Variants in TMX4 observed in about 807,000 individuals in gnomAD.
TMX4 encodes thioredoxin related transmembrane protein 4.
In TMX4, 23 loss-of-function variants were observed where a neutral mutation model predicts 33.3. The ratio of observed to expected loss-of-function variants is 0.69; its 90% CI spans 0.50 to 0.98. The LOEUF (loss-of-function observed/expected upper bound fraction) is 0.98. Among genes scored for constraint, TMX4 ranks in the 50% least tolerant of loss-of-function variants. The pLI is 0.00. For missense variants in TMX4, 399 were observed against 448.9 expected, an observed-to-expected ratio of 0.89 and a Z score of 1.01; for synonymous variants, 164 against 161.5, an observed-to-expected ratio of 1.02 and a Z score of -0.12.
At chr20:7,989,181 C>T (rs969238993) in intron 5 of TMX4, among the ~76,000 whole-genome samples, 3 of 152,000 alleles carry the variant, frequency 2.0e-5, no homozygotes, top group Non-Finnish European at 4.4e-5. Flanking sequence ...TAAGCTTATG[C>T]TTTTCTCGGA....
At chr20:7,996,127 GAA>G (rs1358022591) in intron 4 of TMX4, 56 bp from the exon 5 acceptor site, 79 of 1,401,790 alleles carry the variant, frequency 5.6e-5, no homozygotes, top group Non-Finnish European at 7.6e-5. Flanking sequence ...AAAAAAAAAT[GAA>G]AATCAGGTCA....
Position 7,996,176 on chromosome 20 carries a change from T to C in TMX4, c.468-105A>G, listed in dbSNP as rs546750900. The stretch of plus-strand genomic sequence containing the variant: ...CTATTTCCCTCCACTTCTTGCTAAA[T>C]ATTGCCCCCTCTCCCAGATTCATAT... On this transcript the variant is annotated intron_variant, in intron 4 of 7. Transcript: ENST00000246024. 30 of 815,088 alleles carry C rather than the reference T, an allele frequency of 3.7e-5. No homozygotes were observed. In the African/African-American group the frequency reaches 4.7e-4, roughly 13 times the overall value. 50.5% of individuals were successfully genotyped at this position (815,088 alleles called of 1,614,324 possible).
intron 6 of TMX4, among the ~76,000 whole-genome samples, chr20:7,985,783 TC>T (rs1411965197): frequency 1.3e-5 from 2 of 152,168 alleles, no homozygotes; most frequent in Non-Finnish European, 2.9e-5. Context: ...CTAGAATCAC[TC>T]TCTCCTTTCT....
chr20:8,019,375 C>T, intron 1 of TMX4, 63 bp downstream of exon 1: 1 of 1,474,830 alleles, frequency 6.8e-7, no homozygotes, highest in Non-Finnish European at 9.0e-7. Context: ...CCGGGCCGCG[C>T]GGGCTTGGGA....
At chr20:8,018,343 G>C (rs1431318347) in intron 1 of TMX4, among the ~76,000 whole-genome samples, 1 of 88,336 alleles carries the variant, frequency 1.1e-5, no homozygotes, top group Non-Finnish European at 2.1e-5. Context: ...GAGAGAGAGA[G>C]AGGAGGGAGA....
At chr20:8,011,834 T>C (rs923761418) in intron 1 of TMX4, among the ~76,000 whole-genome samples, 29 of 152,164 alleles carry the variant, frequency 1.9e-4, no homozygotes, top group African/African-American at 6.8e-4. Context: ...TACAGCTCAC[T>C]GTCCAAATCC....
rs772555105 is a variant in TMX4, at chr20:7,982,476, T to A, written c.825A>T (p.Glu275Asp). Reference protein sequence around the residue: ...EEKEDLGDEDEAEEEEEEDNL... With the variant: ...EEKEDLGDEDDAEEEEEEDNL... The stretch of plus-strand genomic sequence containing the variant: ...TGTCCTCCTCCTCTTCTTCCTCTGC[T>A]TCATCCTCATCGCCAAGATCTTCTT... Residue 275 changes from glutamate (E) to aspartate (D), a missense_variant, in exon 8 of 8, where the codon GAA becomes GAT. Physicochemically the swap from Glu to Asp is conservative, Grantham distance 45. Transcript: ENST00000246024. 1 of 1,614,090 alleles carries A rather than the reference T, an allele frequency of 6.2e-7. No homozygotes were observed. The highest frequency in any genetic ancestry group is 1.1e-5 in the South Asian group (1 of 91,080).
rs1440325818 is a variant in TMX4, at chr20:7,980,437, A to G, written c.*1814T>C. ...TGATCGAGAAAAGCTTCCTGATGTCAGGGAGATGGAACTGCCACCATCAGA... is the reference window on the plus strand; with the variant it reads ...TGATCGAGAAAAGCTTCCTGATGTCGGGGAGATGGAACTGCCACCATCAGA... On this transcript the variant is annotated 3_prime_UTR_variant, in exon 8 of 8. Transcript: ENST00000246024. 1.3e-5 allele frequency: 2 copies of G among 152,252 alleles called. No individual in the cohort carries two copies. The highest frequency in any genetic ancestry group is 1.9e-4 in the East Asian group (1 of 5,194). 9.4% of individuals were successfully genotyped at this position (152,252 alleles called of 1,614,324 possible). A position where few individuals can be genotyped will look rare whatever the true frequency, so the allele number is the denominator to read the frequency against.
At position 8,019,603 on chromosome 20, in the gene TMX4, C is replaced by A. The variant is rs2050803942; in HGVS notation, c.11G>T (p.Gly4Val). Residue 4 changes from glycine (G) to valine (V), a missense_variant, in exon 1 of 8, where the codon GGG becomes GTG. Transcript: ENST00000246024. ...CGCCGTTAGCTGCGGGCCGCAGCGCCCACCCGCCATGTTGGGCGCCGAGCG... is the reference window on the plus strand; with the variant it reads ...CGCCGTTAGCTGCGGGCCGCAGCGCACACCCGCCATGTTGGGCGCCGAGCG... Reference protein sequence around the residue: MAGGRCGPQLTALL... With the variant: MAGVRCGPQLTALL... The A allele has an allele frequency of 7.4e-7, 1 of 1,349,946 alleles. No homozygotes were observed. The highest frequency in any genetic ancestry group is 1.9e-5 in the South Asian group (1 of 52,398). 83.6% of individuals were successfully genotyped at this position (1,349,946 alleles called of 1,614,324 possible).
chr20:8,011,788 T>C (rs1052640500), intron 1 of TMX4, among the ~76,000 whole-genome samples: 4 of 152,094 alleles, frequency 2.6e-5, no homozygotes, highest in Non-Finnish European at 4.4e-5. Context: ...TATAGCTAAT[T>C]CCAAGATCAT....
intron 5 of TMX4, among the ~76,000 whole-genome samples, chr20:7,992,314 G>T (rs80099095): frequency 0.014 from 2,085 of 152,268 alleles, 55 homozygotes; most frequent in East Asian, 0.065. Context: ...TGTGAGGATA[G>T]ATATTAACAG....
intron 2 of TMX4, among the ~76,000 whole-genome samples, chr20:8,005,661 A>G (rs2050725925): frequency 6.6e-6 from 1 of 152,186 alleles, no homozygotes; most frequent in African/African-American, 2.4e-5. Flanking sequence ...AGCAGCTGGG[A>G]GTCAAGAGGA....
chr20:7,998,384 G>A (rs1600143754), intron 4 of TMX4, among the ~76,000 whole-genome samples: 1 of 152,022 alleles, frequency 6.6e-6, no homozygotes, highest in East Asian at 1.9e-4. Context: ...CCTTGGCCAA[G>A]CCTACCTTCA....
intron 1 of TMX4, among the ~76,000 whole-genome samples, chr20:8,015,714 G>A (rs2050772167): frequency 6.6e-6 from 1 of 152,114 alleles, no homozygotes; most frequent in South Asian, 2.1e-4. Flanking sequence ...TTAAGGTAAT[G>A]ATGTTCAACA....
In TMX4 at chr20:7,999,800, A is replaced by G; in HGVS notation, c.399T>C (p.Asn133=). 1 of 1,613,838 alleles carries G rather than the reference A, an allele frequency of 6.2e-7. No homozygotes were observed. The highest frequency in any genetic ancestry group is 8.5e-7 in the Non-Finnish European group (1 of 1,179,880). Residue 133 remains asparagine, a synonymous_variant, in exon 4 of 8, where the codon AAT becomes AAC. Coordinates refer to ENST00000246024, the MANE Select transcript of TMX4 (RefSeq NM_021156.4). ...ATTGCCATTTCTTCTCTAAGATATA[A>G]TTCTGCAGGTCTTCGAAGATTCCTG... ...RGPGIFEDLQ[N]YILEKKWQSV...
intron 1 of TMX4, 96 bp downstream of exon 1, chr20:8,019,342 C>G: frequency 7.3e-7 from 1 of 1,373,900 alleles, no homozygotes; most frequent in Non-Finnish European, 9.6e-7. Flanking sequence ...AGGTTGAGCC[C>G]AAGCGGCAAT....
intron 5 of TMX4, among the ~76,000 whole-genome samples, chr20:7,988,253 T>C (rs1269735538): frequency 6.6e-6 from 1 of 152,198 alleles, no homozygotes; most frequent in Non-Finnish European, 1.5e-5. Flanking sequence ...CAGGATGATA[T>C]GGCTCCAAAT....
chr20:8,006,272 T>C (rs2050730208), intron 2 of TMX4, among the ~76,000 whole-genome samples: 1 of 152,230 alleles, frequency 6.6e-6, no homozygotes, highest in South Asian at 2.1e-4. Flanking sequence ...TCTGAAATCT[T>C]ACCTTGCTTA....
intron 4 of TMX4, among the ~76,000 whole-genome samples, chr20:7,997,842 T>A (rs2050683288): frequency 6.6e-6 from 1 of 152,228 alleles, no homozygotes; most frequent in Non-Finnish European, 1.5e-5. Context: ...TAATCCCTAA[T>A]GCTGGAGGTG....
Sources: allele counts gnomAD v4.1 joint callset (sites outside exome capture counted in the v4.1 genomes callset), GRCh38; gene constraint gnomAD v4.1.1; transcripts MANE v1.5; gene names NCBI Gene and HGNC (gene_info 2026-07-23, HGNC 2026-07-21).